ADAMTSL2: variants seen among roughly 807,000 people sequenced by gnomAD.
ADAMTSL2 encodes ADAMTS-like protein 2.
Under a neutral mutation model 117.0 loss-of-function variants are expected in ADAMTSL2, and 55 were observed. The observed-to-expected ratio is 0.47, with a 90% CI of 0.38 to 0.59. The LOEUF is 0.59. ADAMTSL2 is among the 20% of genes least tolerant of loss of function. The pLI, the probability that ADAMTSL2 is intolerant of heterozygous loss-of-function variation, is 0.00. For synonymous variants in ADAMTSL2, 572 were observed against 566.4 expected, an observed-to-expected ratio of 1.01 and a Z score of -0.14; for missense variants, 1,182 against 1,354.5, an observed-to-expected ratio of 0.87 and a Z score of 2.00.
Position 133,561,186 on chromosome 9 carries a change from T to A in ADAMTSL2, c.1650-12T>A. ...GCGTCTCATCACCTTCCCTGCTTGG[T>A]CTCGCTTTCAGGACCAGGCCCAAGG... On this transcript the variant is annotated splice_polypyrimidine_tract_variant and intron_variant, in intron 11 of 18. Transcript: ENST00000651351. 1 of 1,596,484 alleles carries A rather than the reference T, an allele frequency of 6.3e-7. No homozygotes were observed. The highest frequency in any genetic ancestry group is 8.5e-7 in the Non-Finnish European group (1 of 1,171,632).
chr9:133,533,388 C>T (rs767495749), upstream of ADAMTSL2, among the ~76,000 whole-genome samples: 6 of 152,204 alleles, frequency 3.9e-5, no homozygotes, highest in East Asian at 3.9e-4. Flanking sequence ...CCGAGGGTCC[C>T]GGGGAGAGAA....
At chr9:133,567,689 G>A (rs1831006818) in intron 13 of ADAMTSL2, among the ~76,000 whole-genome samples, 1 of 152,344 alleles carries the variant, frequency 6.6e-6, no homozygotes, top group African/African-American at 2.4e-5. Context: ...CTGCACGTTT[G>A]CTCCTTTCTG....
At chr9:133,551,812 CTTTTTT>C (rs56225051) in intron 9 of ADAMTSL2, among the ~76,000 whole-genome samples, 6 of 111,062 alleles carry the variant, frequency 5.4e-5, no homozygotes, top group Non-Finnish European at 8.8e-5. Flanking sequence ...AAAGCAGCAG[CTTTTTT>C]TTTTTTTTTT....
At chr9:133,544,608 CGT>C (rs1407283220) in intron 8 of ADAMTSL2, 58 bp downstream of exon 8, 2 of 1,462,764 alleles carry the variant, frequency 1.4e-6, no homozygotes, top group Non-Finnish European at 1.9e-6. Flanking sequence ...GAGCGTTGTG[CGT>C]GGCAGAGAAG....
rs947657928 is a variant in ADAMTSL2 at position 133,568,636 on chromosome 9, A to T, written c.2122A>T (p.Thr708Ser). ...CAAGTGTGGGGAGCGCAGTGTGGTG[A>T]CCAGGGACATCCGCTGCTCGGAGGA... ...TAKCGERSVV[T>S]RDIRCSEDEK... The change falls in exon 15 of 19, where the codon ACC becomes TCC. Residue 708 changes from threonine (T) to serine (S), a missense_variant. Coordinates refer to ENST00000651351, the MANE Select transcript of ADAMTSL2 (RefSeq NM_014694.4). 273 of 1,612,334 alleles carry T rather than the reference A, an allele frequency of 1.7e-4. No individual in the cohort carries two copies. Among genetic ancestry groups the T allele is most frequent in the Non-Finnish European group, 2.1e-4 (251 of 1,179,800 alleles).
intron 4 of ADAMTSL2, 85 bp from the exon 5 acceptor site, chr9:133,539,686 G>GTCCCGGCTGTCCCGGCTGACC: frequency 2.3e-6 from 3 of 1,305,774 alleles, no homozygotes; most frequent in Non-Finnish European, 3.2e-6. Context: ...TGTCCCGGCT[G>GTCCCGGCTGTCCCGGCTGACC]CAGCCACTTC....
chr9:133,562,886 C>T (rs1285814933), intron 12 of ADAMTSL2, among the ~76,000 whole-genome samples: 2 of 117,068 alleles, frequency 1.7e-5, no homozygotes, highest in African/African-American at 7.3e-5. Flanking sequence ...GGTGGGCACC[C>T]GGCTTGGCCA....
chr9:133,570,271 C>A, intron 16 of ADAMTSL2, 60 bp from the exon 17 acceptor site: 1 of 1,524,634 alleles, frequency 6.6e-7, no homozygotes, highest in African/African-American at 1.4e-5. Flanking sequence ...CGCCGTGGGC[C>A]CTGTGTGTAG....
Position 133,575,059 on chromosome 9 carries a change from C to T in ADAMTSL2, c.*195C>T. The stretch of plus-strand genomic sequence containing the variant: ...GCTCCTGGGGCAGAGCCTCCGGCAC[C>T]CAGTGGCCTCCCCCAGACAGAGCCA... On this transcript the variant is annotated 3_prime_UTR_variant, in exon 19 of 19. Coordinates refer to ENST00000651351, the MANE Select transcript of ADAMTSL2 (RefSeq NM_014694.4). 1.7e-6 allele frequency: 1 copy of T among 600,128 alleles called. No individual in the cohort carries two copies. Among genetic ancestry groups the T allele is most frequent in the Non-Finnish European group, 3.0e-6 (1 of 335,940 alleles). The allele number at this position is 600,128 out of a possible 1,614,324, so 37.2% of individuals were successfully genotyped here.
rs1448213276 is a variant in ADAMTSL2, at chr9:133,554,168, G to C, written c.940-189G>C. 6.6e-6 allele frequency among the ~76,000 whole-genome samples: 1 copy of C among 152,198 alleles called. No homozygotes were observed. Among genetic ancestry groups the C allele is most frequent in the Admixed American group, 6.5e-5 (1 of 15,290 alleles). The stretch of plus-strand genomic sequence containing the variant: ...TCCCCAGCCCCCGCCCTGTTCCCAG[G>C]CTCTTTGACTTGGATGCCCCTGGGG... On this transcript the variant is annotated intron_variant, in intron 9 of 18. Transcript: ENST00000651351. This position sits in a 1 kb window ranked among gnomAD's most constrained non-coding sequence, Gnocchi z 5.2.
In ADAMTSL2 at chr9:133,540,658, A is replaced by G; in HGVS notation, c.473A>G (p.Gln158Arg). 2 of 1,613,766 alleles carry G rather than the reference A, an allele frequency of 1.2e-6. No individual in the cohort carries two copies. Among genetic ancestry groups the G allele is most frequent in the Non-Finnish European group, 1.7e-6 (2 of 1,180,042 alleles). ...CTGCACTGTACCACCGTGGACGGCC[A>G]GCGGCAGCTCATGGTCCCCGCCCGC... ...CDLHCTTVDG[Q>R]RQLMVPARDG... is the part of the protein sequence containing the mutation. The change falls in exon 6 of 19, where the codon CAG becomes CGG. Residue 158 changes from glutamine to arginine, a missense_variant. By Grantham distance (43) the Gln-to-Arg change is conservative. This residue lies in a region of ADAMTSL2 where 372 missense variants were observed against 463.4 expected (regional missense o/e 0.80). Coordinates refer to ENST00000651351, the MANE Select transcript of ADAMTSL2 (RefSeq NM_014694.4).
At chr9:133,536,924 T>C in intron 2 of ADAMTSL2, 122 bp downstream of exon 2, 1 of 1,482,888 alleles carries the variant, frequency 6.7e-7, no homozygotes, top group East Asian at 2.4e-5. Context: ...CCAGAACCCA[T>C]CTTGGCTCCT....
chr9:133,568,025 G>C (rs1262141799), intron 13 of ADAMTSL2, among the ~76,000 whole-genome samples: 2 of 152,220 alleles, frequency 1.3e-5, no homozygotes, highest in South Asian at 4.1e-4. Context: ...GGGCAGGAAG[G>C]CCGAGCCCAC....
chr9:133,554,619 A>G lies in ADAMTSL2; in HGVS notation c.1202A>G (p.Gln401Arg). The G allele has an allele frequency of 6.5e-7, 1 of 1,547,024 alleles. No homozygotes were observed. Among genetic ancestry groups the G allele is most frequent in the Non-Finnish European group, 8.7e-7 (1 of 1,145,522 alleles). ...ATGGAGCTGGGCCCCAGCCAGGGCC[A>G]GGAGACCAACGAGGTGTGCGAGCAG... The part of the protein sequence containing the change: ...LDMELGPSQG[Q>R]ETNEVCEQAG... Residue 401 changes from glutamine (Q) to arginine (R), a missense_variant, in exon 10 of 19, where the codon CAG becomes CGG. Transcript: ENST00000651351. This position sits in a 1 kb window ranked among gnomAD's most constrained non-coding sequence, Gnocchi z 5.2.
intron 17 of ADAMTSL2, among the ~76,000 whole-genome samples, chr9:133,571,746 T>C (rs967353653): frequency 6.6e-5 from 10 of 152,166 alleles, no homozygotes; most frequent in Non-Finnish European, 1.3e-4. Flanking sequence ...CATGAGCTTC[T>C]GAGAGGGGGA....
intron 8 of ADAMTSL2, among the ~76,000 whole-genome samples, chr9:133,545,199 C>T (rs1051714770): frequency 1.3e-5 from 2 of 152,106 alleles, no homozygotes; most frequent in African/African-American, 4.8e-5. Context: ...ATGTCTGCAC[C>T]CCTTGGGCCA....
At position 133,558,320 on chromosome 9, in the gene ADAMTSL2, C is replaced by T. The variant is rs1830653084; in HGVS notation, c.1649+2390C>T. Reference sequence around the variant, plus strand: ...GAGGCGGCGGGGGAAACCACCAGGCCAAAATAGCCACGTCTCGGCCGAGTT... The same window carrying T: ...GAGGCGGCGGGGGAAACCACCAGGCTAAAATAGCCACGTCTCGGCCGAGTT... On this transcript the variant is annotated intron_variant, in intron 11 of 18. Coordinates refer to ENST00000651351, the MANE Select transcript of ADAMTSL2 (RefSeq NM_014694.4). This position sits in a 1 kb window ranked among gnomAD's most constrained non-coding sequence, Gnocchi z 4.3. Among the ~76,000 whole-genome samples the T allele has an allele frequency of 1.3e-5, 2 of 152,162 alleles. No individual in the cohort carries two copies. The highest frequency in any genetic ancestry group is 2.4e-5 in the African/African-American group (1 of 41,436).
intron 12 of ADAMTSL2, among the ~76,000 whole-genome samples, chr9:133,563,857 GA>G (rs2131162355): frequency 1.2e-5 from 1 of 80,918 alleles, no homozygotes; most frequent in Non-Finnish European, 2.7e-5. Context: ...GAGAGAGAGA[GA>G]GAGAGGGAGA....
chr9:133,562,901 T>C (rs9330156), intron 12 of ADAMTSL2, among the ~76,000 whole-genome samples: 9,489 of 47,666 alleles, frequency 0.2, 2,021 homozygotes, highest in Middle Eastern at 0.31. Flanking sequence ...TGGCCAGGCT[T>C]GCACCGCTGT....
Sources: allele counts gnomAD v4.1 joint callset (sites outside exome capture counted in the v4.1 genomes callset), GRCh38; gene constraint gnomAD v4.1.1; regional missense constraint gnomAD v4.1.1; non-coding constraint Gnocchi (gnomAD v3.1); transcripts MANE v1.5; gene names NCBI Gene and HGNC (gene_info 2026-07-23, HGNC 2026-07-21).